The following PREX1 variants were observed in gnomAD, a reference collection of about 807,000 sequenced individuals.
PREX1 encodes the protein phosphatidylinositol-3,4,5-trisphosphate dependent Rac exchange factor 1, also known as phosphatidylinositol 3,4,5-trisphosphate-dependent Rac exchanger 1 protein.
A neutral mutation model predicts 198.3 loss-of-function variants in PREX1; 41 were observed. The ratio of observed to expected loss-of-function variants is 0.21; its 90% confidence interval spans 0.16 to 0.27. PREX1 has a LOEUF of 0.27. PREX1 is among the 10% of genes least tolerant of loss of function. The pLI is 1.00. For missense variants in PREX1, 1,620 were observed against 2,200.7 expected (o/e 0.74, Z 5.28); for synonymous variants, 843 against 887.2 (o/e 0.95, Z 0.89).
chr20:48,659,707 C>T (rs2089575740), intron 16 of PREX1, among the ~76,000 whole-genome samples: 1 of 152,148 alleles, frequency 6.6e-6, no homozygotes, highest in Non-Finnish European at 1.5e-5. Context: ...GAAAGGGAGA[C>T]CTGCAAGCCC....
the PREX1 span, among the ~76,000 whole-genome samples, chr20:48,879,369 G>A: frequency 6.6e-6 from 1 of 152,178 alleles, no homozygotes. Flanking sequence ...CTTGGGACCA[G>A]TGTAGTTATA....
At position 48,650,150 on chromosome 20, in the gene PREX1, C is replaced by G; in HGVS notation, c.2874G>C (p.Glu958Asp). 6.2e-7 allele frequency: 1 copy of G among 1,613,980 alleles called. No individual in the cohort carries two copies. The highest frequency in any genetic ancestry group is 2.2e-5 in the East Asian group (1 of 44,894). ...AGTCCAGGCCACACAGCGGGTGGGG[C>G]TCCAGGGGGGCTTGTTTGAAGGGTG... ...VSPPFKQAPL[E>D]PHPLCGLDFC... Residue 958 changes from glutamate (E) to aspartate (D), a missense_variant, in exon 24 of 40, where the codon GAG becomes GAC. Physicochemically the swap from Glu to Asp is conservative, Grantham distance 45. Transcript: ENST00000371941.
chr20:48,831,359 C>G (rs1170233143), upstream of PREX1, among the ~76,000 whole-genome samples: 1 of 152,212 alleles, frequency 6.6e-6, no homozygotes, highest in Non-Finnish European at 1.5e-5. Context: ...GCTGCCCAGA[C>G]AACTTGGAGA....
In PREX1 at chr20:48,632,326, T is replaced by C. The variant is rs773377510; in HGVS notation, c.4477A>G (p.Ile1493Val). ...ACTTTCTCCAGGGACTGCGCGTTGA[T>C]GTCCTGCTGCAAATCCTCCGCGGCC... Reference protein sequence around the residue: ...SQAAEDLQQDINAQSLEKVQQ... With the variant: ...SQAAEDLQQDVNAQSLEKVQQ... Residue 1493 changes from isoleucine (I) to valine (V), a missense_variant, in exon 35 of 40, where the codon ATC (isoleucine) becomes GTC (valine). This residue lies in a region of PREX1 where 476 missense variants were observed against 603.4 expected (regional missense o/e 0.79). Coordinates refer to ENST00000371941, the MANE Select transcript of PREX1 (RefSeq NM_020820.4). The C allele has an allele frequency of 6.2e-7, 1 of 1,614,086 alleles. No individual in the cohort carries two copies. The highest frequency in any genetic ancestry group is 1.1e-5 in the South Asian group (1 of 91,088).
the PREX1 span, among the ~76,000 whole-genome samples, chr20:48,842,657 G>A: frequency 1.3e-5 from 2 of 151,012 alleles, no homozygotes; most frequent in Non-Finnish European, 2.9e-5. Flanking sequence ...CAATTATTCA[G>A]TAGCACTCAG....
intron 15 of PREX1, among the ~76,000 whole-genome samples, chr20:48,665,161 G>C (rs1460339137): frequency 6.6e-6 from 1 of 150,746 alleles, no homozygotes; most frequent in Non-Finnish European, 1.5e-5. Flanking sequence ...GCCCCAGACG[G>C]CCTGAATTAT....
At chr20:48,710,724 G>C (rs2089926568) in intron 5 of PREX1, among the ~76,000 whole-genome samples, 2 of 152,254 alleles carry the variant, frequency 1.3e-5, no homozygotes, top group Admixed American at 6.5e-5. Flanking sequence ...GCCGTGGTCT[G>C]AGAAGGTCTC....
the PREX1 span, among the ~76,000 whole-genome samples, chr20:48,877,788 C>A: frequency 1.3e-5 from 2 of 151,666 alleles, no homozygotes; most frequent in African/African-American, 4.8e-5. Flanking sequence ...TCACTCAGAA[C>A]AAAAGCCCAA....
intron 6 of PREX1, among the ~76,000 whole-genome samples, chr20:48,707,972 G>T (rs767168343): frequency 1.1e-4 from 17 of 152,188 alleles, no homozygotes; most frequent in Non-Finnish European, 2.4e-4. Context: ...TGAAAGAGAA[G>T]GGGTGGGGAG....
chr20:48,702,956 A>G (rs898871568), intron 6 of PREX1, among the ~76,000 whole-genome samples: 1 of 152,246 alleles, frequency 6.6e-6, no homozygotes, highest in East Asian at 1.9e-4. Flanking sequence ...AGAAACAAGA[A>G]GTGATGTTGT....
the PREX1 span, among the ~76,000 whole-genome samples, chr20:48,845,184 C>CT: frequency 6.6e-6 from 1 of 152,166 alleles, no homozygotes; most frequent in African/African-American, 2.4e-5. Context: ...AACACAGTGA[C>CT]TAAGACAAAG....
chr20:48,829,079 C>A (rs994727352), upstream of PREX1, among the ~76,000 whole-genome samples: 1 of 152,158 alleles, frequency 6.6e-6, no homozygotes, highest in African/African-American at 2.4e-5. Flanking sequence ...AGGTCCTCCC[C>A]GGGGTTCCAT....
chr20:48,733,026 C>T (rs1174725128), intron 4 of PREX1, among the ~76,000 whole-genome samples: 1 of 152,188 alleles, frequency 6.6e-6, no homozygotes, highest in African/African-American at 2.4e-5. Flanking sequence ...GAAATAAGAG[C>T]CCACCTTGTT....
At chr20:48,734,262 C>T (rs2090047334) in intron 4 of PREX1, among the ~76,000 whole-genome samples, 1 of 151,912 alleles carries the variant, frequency 6.6e-6, no homozygotes, top group Non-Finnish European at 1.5e-5. Flanking sequence ...GTTTTATTGC[C>T]ACACAGCCAC....
the PREX1 span, among the ~76,000 whole-genome samples, chr20:48,852,332 A>G: frequency 6.6e-6 from 1 of 152,142 alleles, no homozygotes; most frequent in African/African-American, 2.4e-5. Context: ...CTACTCTCCC[A>G]TAGGTCATGG....
intron 33 of PREX1, among the ~76,000 whole-genome samples, chr20:48,632,936 G>T (rs13040011): frequency 6.6e-6 from 1 of 152,156 alleles, no homozygotes; most frequent in East Asian, 1.9e-4. Flanking sequence ...AACCTGATGC[G>T]GACTCTGCCT....
At position 48,751,686 on chromosome 20, in the gene PREX1, C is replaced by T. The variant is rs564305062; in HGVS notation, c.220-3806G>A. Among the ~76,000 whole-genome samples, 4 of 152,342 alleles carry T rather than the reference C, an allele frequency of 2.6e-5. No individual in the cohort carries two copies. In the East Asian group the frequency reaches 7.7e-4, roughly 29 times the overall value. On this transcript the variant is annotated intron_variant, in intron 1 of 39. Transcript: ENST00000371941. Reference sequence around the variant, plus strand: ...AAACACTCAGGTCAAAAGCAGCTCTCATCTCCGAAGCCTCCCTTAGACACA... The same window carrying T: ...AAACACTCAGGTCAAAAGCAGCTCTTATCTCCGAAGCCTCCCTTAGACACA...
At chr20:48,778,590 T>TA (rs879320360) in intron 1 of PREX1, among the ~76,000 whole-genome samples, 169 of 142,554 alleles carry the variant, frequency 1.2e-3, no homozygotes, top group African/African-American at 3.2e-3. Context: ...ACTCCGTCTC[T>TA]AAAAAAAAAA....
intron 1 of PREX1, among the ~76,000 whole-genome samples, chr20:48,762,996 C>T (rs746810985): frequency 6.6e-6 from 1 of 152,204 alleles, no homozygotes; most frequent in Non-Finnish European, 1.5e-5. Context: ...AGCCATCATG[C>T]CCAGCCAATA....
Sources: allele counts gnomAD v4.1 joint callset (sites outside exome capture counted in the v4.1 genomes callset), GRCh38; gene constraint gnomAD v4.1.1; regional missense constraint gnomAD v4.1.1; transcripts MANE v1.5; gene names NCBI Gene and HGNC (gene_info 2026-07-23, HGNC 2026-07-21).